Variants in RPS6KC1 observed in about 807,000 individuals in gnomAD.
The protein encoded by RPS6KC1 is inactive ribosomal protein S6 kinase delta-1.
Under a neutral mutation model 103.8 loss-of-function variants are expected in RPS6KC1, and 54 were observed. The ratio of observed to expected loss-of-function variants is 0.52; its 90% CI spans 0.42 to 0.65. The LOEUF is 0.65. Ranked by LOEUF, RPS6KC1 falls within the 30% of genes least tolerant of loss-of-function variation. RPS6KC1 has a pLI of 0.00. For missense variants in RPS6KC1, 1,151 were observed against 1,253.8 expected (o/e 0.92, Z 1.24); for synonymous variants, 439 against 438.7 (o/e 1.00, Z -0.01).
chr1:213,201,931 G>C (rs1291851969), intron 8 of RPS6KC1, among the ~76,000 whole-genome samples: 1 of 151,910 alleles, frequency 6.6e-6, no homozygotes, highest in East Asian at 1.9e-4. Flanking sequence ...TCCAGATGTG[G>C]GACAGACCAC....
chr1:213,829,267 T>TC, the RPS6KC1 span, among the ~76,000 whole-genome samples: 50 of 16,206 alleles, frequency 3.1e-3, no homozygotes, highest in African/African-American at 0.012. Flanking sequence ...CTCGTTTGTT[T>TC]CAAAAAAAAA....
intron 6 of RPS6KC1, among the ~76,000 whole-genome samples, chr1:213,151,851 C>A (rs866705531): frequency 1.0e-4 from 13 of 124,858 alleles, no homozygotes; most frequent in Non-Finnish European, 1.7e-4. Flanking sequence ...ACCTCCCTCC[C>A]GGACGGGGCG....
the RPS6KC1 span, among the ~76,000 whole-genome samples, chr1:213,727,889 G>A: frequency 6.6e-6 from 1 of 152,338 alleles, no homozygotes; most frequent in East Asian, 1.9e-4. Flanking sequence ...GAAAAAGTGT[G>A]TAGAGGAGAG....
In RPS6KC1 at chr1:213,117,489, C is replaced by G. The variant is rs1002517806; in HGVS notation, c.472+79C>G. The G allele has an allele frequency of 1.0e-5, 8 of 780,044 alleles. No individual in the cohort carries two copies. The South Asian group carries it at 1.4e-4, about 13-fold the overall frequency. The allele number at this position is 780,044 out of a possible 1,614,324, so 48.3% of individuals were successfully genotyped here. ...AAATCATATCTGCATTGCAAAAAGA[C>G]AGATGTATATAGGAATTTGAGGGTA... On this transcript the variant is annotated intron_variant, in intron 5 of 14. Transcript: ENST00000366960.
the RPS6KC1 span, among the ~76,000 whole-genome samples, chr1:213,667,779 A>C: frequency 6.6e-6 from 1 of 152,220 alleles, no homozygotes; most frequent in Non-Finnish European, 1.5e-5. Context: ...TGTATTGCCT[A>C]TAATAAGTTT....
At chr1:213,478,069 CAT>C in the RPS6KC1 span, among the ~76,000 whole-genome samples, 1 of 152,114 alleles carries the variant, frequency 6.6e-6, no homozygotes, top group Non-Finnish European at 1.5e-5. Flanking sequence ...TTACCATCTC[CAT>C]AGTTTTGCCT....
chr1:213,440,624 T>A, the RPS6KC1 span, among the ~76,000 whole-genome samples: 1 of 148,982 alleles, frequency 6.7e-6, no homozygotes, highest in Non-Finnish European at 1.5e-5. Flanking sequence ...AAGAACTCTA[T>A]TATCCCATAA....
the RPS6KC1 span, among the ~76,000 whole-genome samples, chr1:213,648,155 A>T: frequency 6.6e-6 from 1 of 152,128 alleles, no homozygotes; most frequent in Non-Finnish European, 1.5e-5. Context: ...GAACTACCTC[A>T]AATAGTTTGT....
At chr1:213,559,415 G>A in the RPS6KC1 span, among the ~76,000 whole-genome samples, 1 of 152,210 alleles carries the variant, frequency 6.6e-6, no homozygotes, top group African/African-American at 2.4e-5. Flanking sequence ...AAGTGTGACT[G>A]CGAGGGCCAC....
the RPS6KC1 span, among the ~76,000 whole-genome samples, chr1:213,533,646 A>G: frequency 6.6e-6 from 1 of 152,096 alleles, no homozygotes. Context: ...GGTTTTTTGG[A>G]CTACCCTCAC....
chr1:213,665,116 C>G, the RPS6KC1 span, among the ~76,000 whole-genome samples: 3 of 151,674 alleles, frequency 2.0e-5, no homozygotes, highest in East Asian at 5.8e-4. Context: ...TAGGACATGA[C>G]AGAATAGGGC....
At chr1:213,067,089 G>C (rs2078398520) in intron 1 of RPS6KC1, among the ~76,000 whole-genome samples, 2 of 152,218 alleles carry the variant, frequency 1.3e-5, no homozygotes, top group Middle Eastern at 3.4e-3. Flanking sequence ...ACGTCGAGTT[G>C]TCCCACCTTT....
At chr1:213,731,435 G>A in the RPS6KC1 span, 1 of 152,012 alleles carries the variant, frequency 6.6e-6, no homozygotes, top group African/African-American at 2.4e-5. Flanking sequence ...ATTCTATCAA[G>A]GATCGGTAAT....
the RPS6KC1 span, among the ~76,000 whole-genome samples, chr1:213,416,604 T>G: frequency 6.6e-6 from 1 of 152,170 alleles, no homozygotes; most frequent in Non-Finnish European, 1.5e-5. Flanking sequence ...ATGCTTCCAG[T>G]GAACTCACAA....
chr1:213,581,381 T>C, the RPS6KC1 span, among the ~76,000 whole-genome samples: 1 of 152,100 alleles, frequency 6.6e-6, no homozygotes, highest in Non-Finnish European at 1.5e-5. Context: ...CACATTGTTT[T>C]GGTTCACAAG....
chr1:213,710,429 T>A, the RPS6KC1 span, among the ~76,000 whole-genome samples: 1 of 152,224 alleles, frequency 6.6e-6, no homozygotes, highest in Admixed American at 6.5e-5. Flanking sequence ...GAGATGAGTC[T>A]CCTAAATACA....
intron 12 of RPS6KC1, among the ~76,000 whole-genome samples, chr1:213,244,169 T>C (rs968625516): frequency 3.3e-5 from 5 of 151,930 alleles, no homozygotes; most frequent in Non-Finnish European, 5.9e-5. Flanking sequence ...AAATTGCATG[T>C]TGAATTCACT....
the RPS6KC1 span, among the ~76,000 whole-genome samples, chr1:213,607,570 C>T: frequency 1.3e-5 from 2 of 152,030 alleles, no homozygotes; most frequent in Non-Finnish European, 2.9e-5. Context: ...CCACTCTACA[C>T]CAAGTCTCTG....
chr1:213,804,035 C>T, the RPS6KC1 span, among the ~76,000 whole-genome samples: 1 of 151,132 alleles, frequency 6.6e-6, no homozygotes, highest in South Asian at 2.1e-4. Flanking sequence ...GGGTGCAGCA[C>T]ACCAACGTGG....
Sources: allele counts gnomAD v4.1 joint callset (sites outside exome capture counted in the v4.1 genomes callset), GRCh38; gene constraint gnomAD v4.1.1; transcripts MANE v1.5; gene names NCBI Gene and HGNC (gene_info 2026-07-23, HGNC 2026-07-21).